GIPC2: variants seen among roughly 807,000 people sequenced by gnomAD.
GIPC2 encodes the protein PDZ domain-containing protein GIPC2.
A neutral mutation model predicts 30.6 loss-of-function variants in GIPC2; 30 were observed. The ratio of observed to expected loss-of-function variants is 0.98; its 90% CI spans 0.73 to 1.33. The LOEUF (loss-of-function observed/expected upper bound fraction) is 1.33, where lower values mean the gene tolerates loss of function less well. Ranked by LOEUF, GIPC2 falls within the 40% of genes most tolerant of loss-of-function variation. The pLI is 0.00. For synonymous variants in GIPC2, 167 were observed against 150.0 expected, an observed-to-expected ratio of 1.11 and a Z score of -0.83; for missense variants, 414 against 390.3, an observed-to-expected ratio of 1.06 and a Z score of -0.51.
At chr1:78,102,736 G>GCAGT (rs1464031664) in intron 3 of GIPC2, among the ~76,000 whole-genome samples, 1 of 152,208 alleles carries the variant, frequency 6.6e-6, no homozygotes, top group African/African-American at 2.4e-5. Context: ...GAATCATAGA[G>GCAGT]CAGTCCCTGG....
At chr1:78,110,758 C>T (rs1026334110) in intron 3 of GIPC2, among the ~76,000 whole-genome samples, 2 of 152,210 alleles carry the variant, frequency 1.3e-5, no homozygotes, top group Non-Finnish European at 2.9e-5. Context: ...GCCTTGCTGT[C>T]TTTACCTGTG....
intron 3 of GIPC2, among the ~76,000 whole-genome samples, chr1:78,117,619 C>T (rs546147790): frequency 6.6e-6 from 1 of 152,272 alleles, no homozygotes; most frequent in East Asian, 1.9e-4. Flanking sequence ...CTGTGTGGCC[C>T]AGTTTCTAAC....
At chr1:78,049,846 T>C (rs999471215) in intron 1 of GIPC2, among the ~76,000 whole-genome samples, 1 of 152,056 alleles carries the variant, frequency 6.6e-6, no homozygotes, top group African/African-American at 2.4e-5. Context: ...AGCTGTGAGA[T>C]TCTTGGTAGC....
chr1:78,134,284 G>C (rs898390392), intron 5 of GIPC2, among the ~76,000 whole-genome samples: 2 of 151,812 alleles, frequency 1.3e-5, no homozygotes, highest in Non-Finnish European at 2.9e-5. Context: ...ATCCTTTTCT[G>C]GCAGTGACAA....
rs1444124857 is a variant in GIPC2 at position 78,070,774 on chromosome 1, CTG to C, written c.241-9899_241-9898del. Among the ~76,000 whole-genome samples the C allele has an allele frequency of 3.3e-5, 5 of 152,074 alleles. No individual in the cohort carries two copies. The East Asian group carries it at 7.7e-4, about 23-fold the overall frequency. ...TGGTAGATTCAAAATATGAATCTGA[CTG>C]TTTTTCTTTTTTTGGATAGAATTCT... On this transcript the variant is annotated intron_variant, in intron 1 of 5. Coordinates refer to ENST00000370759, the MANE Select transcript of GIPC2 (RefSeq NM_017655.6).
chr1:78,108,077 A>G (rs1397026938), intron 3 of GIPC2, among the ~76,000 whole-genome samples: 1 of 152,166 alleles, frequency 6.6e-6, no homozygotes, highest in Admixed American at 6.5e-5. Flanking sequence ...GCTGTGTAAT[A>G]AACCAGTAAT....
intron 2 of GIPC2, among the ~76,000 whole-genome samples, chr1:78,086,189 G>A (rs148746902): frequency 6.6e-6 from 1 of 152,260 alleles, no homozygotes; most frequent in African/African-American, 2.4e-5. Context: ...TTACCCAAAA[G>A]TCATTCAGGA....
At chr1:78,073,221 A>G (rs1423561554) in intron 1 of GIPC2, among the ~76,000 whole-genome samples, 1 of 151,092 alleles carries the variant, frequency 6.6e-6, no homozygotes, top group Non-Finnish European at 1.5e-5. Flanking sequence ...CTCCTGCTTC[A>G]GCCTCCTGAG....
chr1:78,065,473 A>G (rs1661487394), intron 1 of GIPC2, among the ~76,000 whole-genome samples: 1 of 152,206 alleles, frequency 6.6e-6, no homozygotes, highest in Non-Finnish European at 1.5e-5. Flanking sequence ...TATTGCCCAA[A>G]GCATTTTATA....
At chr1:78,092,323 C>A (rs1349488836) in intron 2 of GIPC2, among the ~76,000 whole-genome samples, 5 of 152,126 alleles carry the variant, frequency 3.3e-5, no homozygotes, top group African/African-American at 1.2e-4. Flanking sequence ...TAATAATGAT[C>A]TGAAATGGTT....
intron 3 of GIPC2, among the ~76,000 whole-genome samples, chr1:78,108,346 G>A (rs1483910279): frequency 2.0e-5 from 3 of 152,198 alleles, no homozygotes; most frequent in East Asian, 1.9e-4. Flanking sequence ...TGAAAACAGC[G>A]TTGGGGCTTT....
rs1341762127 is a variant in GIPC2, at chr1:78,090,283, C to G, written c.427-4669C>G. On this transcript the variant is annotated intron_variant, in intron 2 of 5. Coordinates refer to ENST00000370759, the MANE Select transcript of GIPC2 (RefSeq NM_017655.6). ...GGTCTTGGCTCACTGCAACCTCTGC[C>G]TCCTGGGTTCAAGCGATTCTCCTGC... 2.0e-5 allele frequency among the ~76,000 whole-genome samples: 3 copies of G among 152,198 alleles called. No individual in the cohort carries two copies. In the East Asian group the frequency reaches 5.8e-4, roughly 29 times the overall value.
intron 1 of GIPC2, among the ~76,000 whole-genome samples, chr1:78,047,892 T>C (rs1661125499): frequency 6.6e-6 from 1 of 152,244 alleles, no homozygotes; most frequent in South Asian, 2.1e-4. Context: ...AACTTGACTG[T>C]AATTTAAACT....
chr1:78,109,802 G>A (rs969835535), intron 3 of GIPC2, among the ~76,000 whole-genome samples: 2 of 152,076 alleles, frequency 1.3e-5, no homozygotes, highest in Non-Finnish European at 2.9e-5. Flanking sequence ...GTCCAACAAT[G>A]ATAGACTGGA....
intron 1 of GIPC2, among the ~76,000 whole-genome samples, chr1:78,050,468 A>G (rs1460422142): frequency 6.6e-6 from 1 of 152,168 alleles, no homozygotes; most frequent in African/African-American, 2.4e-5. Flanking sequence ...ACAGATGGCC[A>G]GTTATGCAAA....
At chr1:78,131,587 A>C (rs1239413556) in intron 5 of GIPC2, among the ~76,000 whole-genome samples, 3 of 152,192 alleles carry the variant, frequency 2.0e-5, no homozygotes, top group Non-Finnish European at 4.4e-5. Context: ...TGGCTATCTT[A>C]TGTTAATATG....
chr1:78,045,701 C>T (rs1010455138), upstream of GIPC2: 87 of 985,372 alleles, frequency 8.8e-5, no homozygotes, highest in Middle Eastern at 1.0e-3. Context: ...GTGGCCAAAT[C>T]ATGCGTGGGT....
upstream of GIPC2, chr1:78,045,817 A>C (rs1225164420): frequency 8.3e-7 from 1 of 1,211,792 alleles, no homozygotes; most frequent in African/African-American, 1.6e-5. Flanking sequence ...AAATAGAGCC[A>C]TTTTTTACAA....
intron 4 of GIPC2, among the ~76,000 whole-genome samples, chr1:78,123,158 G>A (rs1368850048): frequency 1.3e-5 from 2 of 151,616 alleles, no homozygotes; most frequent in Non-Finnish European, 2.9e-5. Flanking sequence ...TACTTGGGAG[G>A]CTGAGGCAGG....
Sources: gnomAD v4.1 joint callset for allele counts (sites outside exome capture counted in the v4.1 genomes callset) on GRCh38, gnomAD v4.1.1 for gene constraint, MANE v1.5 for transcripts, NCBI Gene and HGNC (gene_info 2026-07-23, HGNC 2026-07-21) for gene names.